Variants in DDX46 observed in about 807,000 individuals in gnomAD.
DDX46 encodes DEAD-box helicase 46, also known as probable ATP-dependent RNA helicase DDX46.
Under a neutral mutation model 134.9 loss-of-function variants are expected in DDX46, and 30 were observed. The ratio of observed to expected loss-of-function variants is 0.22; its 90% confidence interval spans 0.17 to 0.30. The LOEUF is 0.30. DDX46 is among the 10% of genes least tolerant of loss of function. The probability of loss-of-function intolerance (pLI) is 1.00; values close to 1 mark genes in which losing one functional copy is unlikely to be tolerated. For missense variants in DDX46, 622 were observed against 1,248.7 expected, an observed-to-expected ratio of 0.50 and a Z score of 7.56; for synonymous variants, 415 against 404.1, an observed-to-expected ratio of 1.03 and a Z score of -0.32.
In DDX46 at chr5:134,803,573, A is replaced by G. The variant is rs757876316; in HGVS notation, c.1955-4175A>G. On this transcript the variant is annotated intron_variant, in intron 15 of 22. Coordinates refer to ENST00000452510, the MANE Select transcript of DDX46 (RefSeq NM_001300860.2). Reference sequence around the variant, plus strand: ...CCCCTAAGCAAAGAGTTTGAAATAAATAAGTAAGTAAATAGAATCCTCTAC... The same window carrying G: ...CCCCTAAGCAAAGAGTTTGAAATAAGTAAGTAAGTAAATAGAATCCTCTAC... Among the ~76,000 whole-genome samples the G allele has an allele frequency of 6.6e-4, 101 of 152,326 alleles. 2 individuals carry two copies. Among genetic ancestry groups the G allele is most frequent in the Non-Finnish European group, 1.0e-4 (7 of 68,022 alleles).
At chr5:134,778,085 C>T (rs1447969310) in intron 6 of DDX46, among the ~76,000 whole-genome samples, 2 of 141,066 alleles carry the variant, frequency 1.4e-5, no homozygotes, top group East Asian at 2.1e-4. Context: ...ATGGTGTGAT[C>T]TTGGCTTACT....
At chr5:134,770,199 ATTTTTT>A (rs368105956) in intron 3 of DDX46, among the ~76,000 whole-genome samples, 2 of 129,802 alleles carry the variant, frequency 1.5e-5, no homozygotes, top group South Asian at 2.4e-4. Context: ...GCCTGACCAA[ATTTTTT>A]TTTTTTTTTT....
intron 21 of DDX46, among the ~76,000 whole-genome samples, chr5:134,825,547 G>T (rs576272035): frequency 1.3e-5 from 2 of 152,218 alleles, no homozygotes; most frequent in East Asian, 3.9e-4. Context: ...TCCCTCATTT[G>T]TGTTTTTTAA....
chr5:134,771,069 C>A, intron 4 of DDX46, 70 bp downstream of exon 4: 1 of 652,886 alleles, frequency 1.5e-6, no homozygotes, highest in Non-Finnish European at 2.6e-6. Flanking sequence ...TTCTTTCTTT[C>A]CCTCTTTCTT....
At chr5:134,794,172 A>C (rs549511518) in intron 13 of DDX46, among the ~76,000 whole-genome samples, 1 of 152,266 alleles carries the variant, frequency 6.6e-6, no homozygotes, top group African/African-American at 2.4e-5. Flanking sequence ...TGGAGGACAG[A>C]GTCCTTCTTG....
At chr5:134,780,216 G>A (rs1754100767) in intron 6 of DDX46, among the ~76,000 whole-genome samples, 1 of 151,200 alleles carries the variant, frequency 6.6e-6, no homozygotes, top group East Asian at 1.9e-4. Flanking sequence ...GTATATGTGT[G>A]TATATGTGTG....
chr5:134,762,144 T>C (rs1404460932), intron 1 of DDX46, among the ~76,000 whole-genome samples: 2 of 151,760 alleles, frequency 1.3e-5, no homozygotes, highest in Non-Finnish European at 2.9e-5. Flanking sequence ...TGGCACACGC[T>C]TTTATGCTTT....
intron 3 of DDX46, among the ~76,000 whole-genome samples, chr5:134,769,054 T>C (rs1393483954): frequency 6.6e-6 from 1 of 152,044 alleles, no homozygotes; most frequent in Non-Finnish European, 1.5e-5. Context: ...AGAGACTCCG[T>C]CTCAAAAAAA....
Position 134,777,676 on chromosome 5 carries a change from T to TA in DDX46, c.723dup (p.Phe242IlefsTer2). 2 of 1,612,632 alleles carry TA rather than the reference T, an allele frequency of 1.2e-6. No homozygotes were observed. The highest frequency in any genetic ancestry group is 1.7e-6 in the Non-Finnish European group (2 of 1,179,668). On this transcript the variant is annotated frameshift_variant, in exon 6 of 23. Transcript: ENST00000452510. LOFTEE classifies it high-confidence loss of function. Reference sequence around the variant, plus strand: ...TACATGGAAGAAGTGAAAGAGGAAGTAAAAAAATTTAACATGAGAAGTGTA... The same window carrying TA: ...TACATGGAAGAAGTGAAAGAGGAAGTAAAAAAAATTTAACATGAGAAGTGTA...
chr5:134,774,026 G>A (rs915377922), intron 5 of DDX46, among the ~76,000 whole-genome samples, 165 bp downstream of exon 5: 7 of 152,060 alleles, frequency 4.6e-5, no homozygotes, highest in African/African-American at 1.7e-4. Flanking sequence ...AAATACATTT[G>A]CAGTGTTGTG....
At chr5:134,795,582 C>T (rs1337021246) in intron 14 of DDX46, among the ~76,000 whole-genome samples, 1 of 152,026 alleles carries the variant, frequency 6.6e-6, no homozygotes, top group Non-Finnish European at 1.5e-5. Context: ...ATGTCACATA[C>T]CAGATGGGCA....
Position 134,828,753 on chromosome 5 carries a change from G to T in DDX46, c.*47G>T. The T allele has an allele frequency of 7.6e-7, 1 of 1,312,162 alleles. No individual in the cohort carries two copies. The highest frequency in any genetic ancestry group is 1.9e-5 in the South Asian group (1 of 52,500). The allele number at this position is 1,312,162 out of a possible 1,614,324, so 81.3% of individuals were successfully genotyped here. A position where few individuals can be genotyped will look rare whatever the true frequency, so the allele number is the denominator to read the frequency against. On this transcript the variant is annotated 3_prime_UTR_variant, in exon 23 of 23. Transcript: ENST00000452510. ...ACCTGTGCTGGTCTATGATGTATGTGGCAGTTGCTGTCTGCAGTTTACAAT... is the reference window on the plus strand; with the variant it reads ...ACCTGTGCTGGTCTATGATGTATGTTGCAGTTGCTGTCTGCAGTTTACAAT...
intron 6 of DDX46, among the ~76,000 whole-genome samples, chr5:134,780,050 T>C (rs1000072917): frequency 3.3e-5 from 5 of 151,382 alleles, no homozygotes; most frequent in African/African-American, 9.7e-5. Context: ...ATCACACCAC[T>C]GTACTCTAGC....
intron 15 of DDX46, among the ~76,000 whole-genome samples, chr5:134,798,866 G>A (rs575480401): frequency 4.0e-4 from 61 of 152,276 alleles, no homozygotes; most frequent in African/African-American, 1.3e-3. Context: ...CCAGCCCTTC[G>A]TGTCCATAGA....
intron 6 of DDX46, 155 bp downstream of exon 6, chr5:134,777,880 T>TA (rs1753996730): frequency 2.5e-6 from 2 of 788,466 alleles, no homozygotes; most frequent in African/African-American, 1.8e-5. Flanking sequence ...GTACCAGAGA[T>TA]ACTGGTAAAT....
chr5:134,766,402 A>C lies in DDX46; in HGVS notation c.207-515A>C, dbSNP rs1753568522. Among the ~76,000 whole-genome samples, 3 of 151,948 alleles carry C rather than the reference A, an allele frequency of 2.0e-5. No individual in the cohort carries two copies. The South Asian group carries it at 6.2e-4, about 32-fold the overall frequency. ...GAGAAACCCCATCTGTAAAAATACA[A>C]AATTGGCTGGGCATGGTGGTGCATG... On this transcript the variant is annotated intron_variant, in intron 2 of 22. Coordinates refer to ENST00000452510, the MANE Select transcript of DDX46 (RefSeq NM_001300860.2).
chr5:134,780,220 ATG>A (rs1160941316), intron 6 of DDX46, among the ~76,000 whole-genome samples: 3 of 150,354 alleles, frequency 2.0e-5, no homozygotes, highest in Admixed American at 6.7e-5. Flanking sequence ...ATGTGTGTAT[ATG>A]TGTGTGCGTA....
chr5:134,817,570 C>T lies in DDX46; in HGVS notation c.2688C>T (p.Thr896=). 1.2e-6 allele frequency: 2 copies of T among 1,614,070 alleles called. No individual in the cohort carries two copies. Among genetic ancestry groups the T allele is most frequent in the African/African-American group, 1.3e-5 (1 of 75,018 alleles). ...TGGCTCCCACTGTTTCTGCAAAAAC[C>T]ATTGCAGAACAACTTGCTGAAAAGA... ...TILAPTVSAK[T]IAEQLAEKIN... The change falls in exon 20 of 23, where the codon ACC becomes ACT. Residue 896 remains threonine (T), a synonymous_variant. Transcript: ENST00000452510.
chr5:134,785,603 CA>C lies in DDX46; in HGVS notation c.1464+18del, dbSNP rs559321679. The C allele has an allele frequency of 2.9e-4, 458 of 1,585,294 alleles. 2 individuals are homozygous for C. The African/African-American group carries it at 5.9e-3, about 20-fold the overall frequency. On this transcript the variant is annotated intron_variant, in intron 11 of 22. Transcript: ENST00000452510. ...AGTGAGCAGGTAGTTATATAAGAAA[CA>C]TTCATGTTTTCCATTCTTTTCTCAA...
Sources: allele counts gnomAD v4.1 joint callset (sites outside exome capture counted in the v4.1 genomes callset), GRCh38; gene constraint gnomAD v4.1.1; transcripts MANE v1.5; gene names NCBI Gene and HGNC (gene_info 2026-07-23, HGNC 2026-07-21).